ATF7IP2: variants seen among roughly 807,000 people sequenced by gnomAD.
ATF7IP2 encodes activating transcription factor 7 interacting protein 2.
Under a neutral mutation model 64.2 loss-of-function variants are expected in ATF7IP2, and 42 were observed. That is an observed-to-expected ratio of 0.65 (90% CI 0.51 to 0.85). The LOEUF is 0.85. ATF7IP2 is among the 40% of genes least tolerant of loss of function. ATF7IP2 has a pLI of 0.00. For missense variants in ATF7IP2, 933 were observed against 784.2 expected (o/e 1.19, Z -2.27); for synonymous variants, 308 against 272.8 (o/e 1.13, Z -1.27).
intron 1 of ATF7IP2, among the ~76,000 whole-genome samples, chr16:10,411,496 G>C (rs996399652): frequency 6.6e-6 from 1 of 151,874 alleles, no homozygotes; most frequent in African/African-American, 2.4e-5. Context: ...TCAGCCTCCA[G>C]AGTAGCTGGG....
intron 8 of ATF7IP2, among the ~76,000 whole-genome samples, chr16:10,440,946 G>A (rs8055799): frequency 0.042 from 6,321 of 152,030 alleles, 466 homozygotes; most frequent in African/African-American, 0.15. Flanking sequence ...GTTCCCCTCC[G>A]TGTGTCCATG....
At chr16:10,440,299 C>A in intron 7 of ATF7IP2, 65 bp from the exon 8 acceptor site, 1 of 718,456 alleles carries the variant, frequency 1.4e-6, no homozygotes, top group Non-Finnish European at 2.2e-6. Flanking sequence ...AATAATTTAC[C>A]CTCTATCTCT....
At chr16:10,479,980 T>C (rs1596648391) in intron 12 of ATF7IP2, among the ~76,000 whole-genome samples, 1 of 26,888 alleles carries the variant, frequency 3.7e-5, no homozygotes, top group Non-Finnish European at 7.3e-5. Context: ...TTTTTTTTTT[T>C]TTTTTTTTTT....
chr16:10,469,824 G>A (rs183255538), intron 9 of ATF7IP2, among the ~76,000 whole-genome samples: 1 of 151,768 alleles, frequency 6.6e-6, no homozygotes, highest in East Asian at 1.9e-4. Context: ...ACTTCTTGCT[G>A]TAAGCTGTGC....
Position 10,482,122 on chromosome 16 carries a change from G to GTACTT in ATF7IP2, c.1925_1929dup (p.Ser644LeufsTer6). 1 of 1,614,044 alleles carries GTACTT rather than the reference G, an allele frequency of 6.2e-7. No individual in the cohort carries two copies. The highest frequency in any genetic ancestry group is 8.5e-7 in the Non-Finnish European group (1 of 1,179,950). On this transcript the variant is annotated frameshift_variant, in exon 14 of 14. Transcript: ENST00000562102. LOFTEE classifies it high-confidence loss of function. ...AAAGCTTTACCACTCCCCATGGCCT[G>GTACTT]TACTTTATCTCAGTTTTTAGCTTCC...
chr16:10,428,816 A>G (rs907818259), intron 3 of ATF7IP2, 52 bp from the exon 4 acceptor site: 3 of 152,194 alleles, frequency 2.0e-5, no homozygotes, highest in Non-Finnish European at 4.4e-5. Flanking sequence ...CAAAAATAAC[A>G]TAGCACATTC....
chr16:10,463,145 C>T (rs1312704991), intron 9 of ATF7IP2, among the ~76,000 whole-genome samples: 1 of 152,154 alleles, frequency 6.6e-6, no homozygotes, highest in Non-Finnish European at 1.5e-5. Flanking sequence ...TGCTGTTTTA[C>T]ATCTTTGTCC....
chr16:10,426,112 TTAAATTA>T (rs1157444322), intron 3 of ATF7IP2, among the ~76,000 whole-genome samples: 1 of 152,234 alleles, frequency 6.6e-6, no homozygotes, highest in Non-Finnish European at 1.5e-5. Context: ...GATTAAGGAC[TTAAATTA>T]TAAATGACTT....
chr16:10,475,706 C>A (rs1238401079), intron 12 of ATF7IP2, among the ~76,000 whole-genome samples: 2 of 105,210 alleles, frequency 1.9e-5, no homozygotes, highest in African/African-American at 4.1e-5. Flanking sequence ...AAAAAAAAAC[C>A]CAATCTAAGA....
At chr16:10,433,676 T>G in intron 6 of ATF7IP2, 27 bp downstream of exon 6, 1 of 1,609,140 alleles carries the variant, frequency 6.2e-7, no homozygotes, top group Non-Finnish European at 8.5e-7. Context: ...TAAATGGAAC[T>G]TTTACTTTTG....
At chr16:10,406,234 G>T (rs754727163) in intron 1 of ATF7IP2, among the ~76,000 whole-genome samples, 1 of 152,262 alleles carries the variant, frequency 6.6e-6, no homozygotes, top group Admixed American at 6.5e-5. Context: ...AGCCTCTCGA[G>T]TAGCTGGGAC....
intron 9 of ATF7IP2, among the ~76,000 whole-genome samples, chr16:10,467,973 G>A (rs1403790405): frequency 1.1e-4 from 17 of 148,326 alleles, no homozygotes; most frequent in Admixed American, 8.1e-4. Context: ...TCTGCCTTCC[G>A]AGTTTAAGCG....
chr16:10,433,538 GAA>G lies in ATF7IP2; in HGVS notation c.850_851del (p.Lys284GlufsTer11). The G allele has an allele frequency of 6.2e-7, 1 of 1,612,682 alleles. No homozygotes were observed. The highest frequency in any genetic ancestry group is 8.5e-7 in the Non-Finnish European group (1 of 1,178,856). On this transcript the variant is annotated frameshift_variant, in exon 6 of 14. Coordinates refer to ENST00000562102, the MANE Select transcript of ATF7IP2 (RefSeq NM_001393719.1). LOFTEE classifies it high-confidence loss of function. ...GATCTCCTCAAGGCCATTATCAAAA[GAA>G]GAGGATGTTTTCAGAAAACGAGGAA... ...DTNNNSHYQK[K>X]RMFSENEENV... is the part of the protein sequence containing the mutation.
At chr16:10,392,857 C>T (rs993154132) in intron 1 of ATF7IP2, among the ~76,000 whole-genome samples, 4 of 149,556 alleles carry the variant, frequency 2.7e-5, no homozygotes, top group Admixed American at 6.7e-5. Flanking sequence ...GTGTGATGGG[C>T]GCCCCTGATG....
chr16:10,461,921 T>C (rs192717403), intron 9 of ATF7IP2, among the ~76,000 whole-genome samples: 70 of 152,276 alleles, frequency 4.6e-4, no homozygotes, highest in Non-Finnish European at 1.6e-4. Flanking sequence ...CTGATGTGTG[T>C]GGATTTATAA....
chr16:10,473,634 C>T (rs567974563), intron 11 of ATF7IP2, 100 bp downstream of exon 11: 50 of 849,004 alleles, frequency 5.9e-5, no homozygotes, highest in South Asian at 5.1e-4. Context: ...TTTTAGTCCA[C>T]GTTACACACT....
At chr16:10,397,251 G>A (rs944244134) in intron 1 of ATF7IP2, among the ~76,000 whole-genome samples, 2 of 152,080 alleles carry the variant, frequency 1.3e-5, no homozygotes, top group African/African-American at 4.8e-5. Flanking sequence ...TTTTGAAATT[G>A]TCTAGTATGA....
chr16:10,418,323 T>A (rs941939601), intron 2 of ATF7IP2, among the ~76,000 whole-genome samples: 2 of 152,204 alleles, frequency 1.3e-5, no homozygotes, highest in African/African-American at 4.8e-5. Flanking sequence ...GTGGGCATCA[T>A]AGCTATCACA....
intron 12 of ATF7IP2, among the ~76,000 whole-genome samples, chr16:10,476,748 C>T (rs143844681): frequency 2.5e-3 from 377 of 152,220 alleles, no homozygotes; most frequent in African/African-American, 7.3e-3. Flanking sequence ...TAAGTGAGAA[C>T]ATGTGGTATT....
Sources: allele counts gnomAD v4.1 joint callset (sites outside exome capture counted in the v4.1 genomes callset), GRCh38; gene constraint gnomAD v4.1.1; transcripts MANE v1.5; gene names NCBI Gene and HGNC (gene_info 2026-07-23, HGNC 2026-07-21).